The following DIAPH2 variants were observed in gnomAD, a reference collection of about 807,000 sequenced individuals.
The protein encoded by DIAPH2 is protein diaphanous homolog 2.
A neutral mutation model predicts 92.7 loss-of-function variants in DIAPH2; 35 were observed. That is an observed-to-expected ratio of 0.38 (90% CI 0.29 to 0.50). The LOEUF (loss-of-function observed/expected upper bound fraction) is 0.50. Ranked by LOEUF, DIAPH2 falls within the 20% of genes least tolerant of loss-of-function variation. The pLI, the probability that DIAPH2 is intolerant of heterozygous loss-of-function variation, is 0.94. For synonymous variants in DIAPH2, 301 were observed against 280.4 expected (o/e 1.07, Z -0.73); for missense variants, 701 against 819.5 (o/e 0.86, Z 1.77).
At chrX:96,689,250 C>T (rs930129580) in intron 1 of DIAPH2, among the ~76,000 whole-genome samples, 2 of 100,425 alleles carry the variant, frequency 2.0e-5, no homozygotes, top group African/African-American at 3.7e-5. Context: ...AGACGGGGTC[C>T]GGATCATGAT....
intron 25 of DIAPH2, among the ~76,000 whole-genome samples, chrX:97,428,535 CAAA>C (rs560564728): frequency 4.1e-5 from 3 of 74,033 alleles, no homozygotes; most frequent in African/African-American, 5.0e-5. Flanking sequence ...AACTCTGTCT[CAAA>C]AAAAAAAAAA....
intron 22 of DIAPH2, among the ~76,000 whole-genome samples, chrX:97,163,284 C>T (rs1363305960): frequency 9.0e-6 from 1 of 111,306 alleles, no homozygotes; most frequent in African/African-American, 3.3e-5. Flanking sequence ...AGATCCTCTA[C>T]CCTTCAGCAA....
intron 21 of DIAPH2, among the ~76,000 whole-genome samples, chrX:97,117,075 G>A (rs1304767383): frequency 2.7e-5 from 3 of 111,530 alleles, no homozygotes; most frequent in Non-Finnish European, 5.7e-5. Flanking sequence ...TTCCAAAAGT[G>A]AAAGAAGTGA....
chrX:97,027,661 T>G lies in DIAPH2; in HGVS notation c.2051-45280T>G, dbSNP rs191211773. Among the ~76,000 whole-genome samples, 5 of 112,233 alleles carry G rather than the reference T, an allele frequency of 4.5e-5. No homozygotes were observed. The East Asian group carries it at 1.4e-3, about 32-fold the overall frequency. The stretch of plus-strand genomic sequence containing the variant: ...TTTGTATGTTCCTTTTGTGTAAAGT[T>G]TTTGTCTGGAAAGTCGCTGTGCAAA... On this transcript the variant is annotated intron_variant, in intron 17 of 26. Transcript: ENST00000324765.
chrX:96,799,158 C>T (rs1252207740), intron 4 of DIAPH2, among the ~76,000 whole-genome samples: 2 of 108,980 alleles, frequency 1.8e-5, no homozygotes, highest in Admixed American at 2.0e-4. Context: ...TTTTTCAGTT[C>T]TGTAAGCCTG....
At chrX:97,346,370 C>G (rs996495001) in intron 23 of DIAPH2, among the ~76,000 whole-genome samples, 10 of 110,275 alleles carry the variant, frequency 9.1e-5, no homozygotes. Flanking sequence ...CCCTCTCCCT[C>G]TGTGTCCCTC....
chrX:97,153,748 T>A (rs913967763), intron 22 of DIAPH2, among the ~76,000 whole-genome samples: 28 of 111,653 alleles, frequency 2.5e-4, no homozygotes, highest in South Asian at 1.1e-3. Context: ...AAAAACATAA[T>A]CATGAAGGCT....
chrX:96,820,335 C>T (rs1253730021), intron 4 of DIAPH2, among the ~76,000 whole-genome samples: 3 of 111,174 alleles, frequency 2.7e-5, no homozygotes, highest in East Asian at 2.8e-4. Flanking sequence ...TTGGGCATGG[C>T]GGTGCACGCC....
At chrX:97,488,994 C>T (rs1356839820) in intron 26 of DIAPH2, among the ~76,000 whole-genome samples, 1 of 111,716 alleles carries the variant, frequency 9.0e-6, no homozygotes, top group Non-Finnish European at 1.9e-5. Flanking sequence ...GCCATTGGGA[C>T]ATTTAAAGGG....
At chrX:97,416,365 A>C (rs189358131) in intron 25 of DIAPH2, among the ~76,000 whole-genome samples, 1 of 112,157 alleles carries the variant, frequency 8.9e-6, no homozygotes, top group African/African-American at 3.2e-5. Context: ...CAAGAGGTTG[A>C]TTCTTGACCC....
At position 97,600,014 on chromosome X, in the gene DIAPH2, CAGTT is replaced by C. The variant is rs929178218; in HGVS notation, c.*700_*703del. On this transcript the variant is annotated 3_prime_UTR_variant, in exon 27 of 27. Coordinates refer to ENST00000324765, the MANE Select transcript of DIAPH2 (RefSeq NM_006729.5). ...TAAATAAACCAAAGTTTAACCGAAT[CAGTT>C]AGGGAAAGTGATTTAAACTTTATTT... The C allele has an allele frequency of 8.9e-6, 1 of 112,468 alleles. No individual in the cohort carries two copies. Among genetic ancestry groups the C allele is most frequent in the African/African-American group, 3.2e-5 (1 of 30,972 alleles). 9.3% of individuals were successfully genotyped at this position (112,468 alleles called of 1,213,427 possible).
rs2070723294 is a variant in DIAPH2 at position 97,491,225 on chromosome X, C to T, written c.3241+61480C>T. On this transcript the variant is annotated intron_variant, in intron 26 of 26. Coordinates refer to ENST00000324765, the MANE Select transcript of DIAPH2 (RefSeq NM_006729.5). ...TTTTGTGTCACATAAAGTATAGCCA[C>T]TCCTGCTCTCTTTTGGTTACCATTT... Among the ~76,000 whole-genome samples, 3 of 111,277 alleles carry T rather than the reference C, an allele frequency of 2.7e-5. No individual in the cohort carries two copies. In the Admixed American group the frequency reaches 2.9e-4, roughly 11 times the overall value.
In DIAPH2 at chrX:96,875,159, T is replaced by C. The variant is rs191093011; in HGVS notation, c.448-6420T>C. Reference sequence around the variant, plus strand: ...TAAATAACATGTTTCAACTTGAGTCTTGTCCCCAAAATATCTCATTATGTA... The same window carrying C: ...TAAATAACATGTTTCAACTTGAGTCCTGTCCCCAAAATATCTCATTATGTA... On this transcript the variant is annotated intron_variant, in intron 4 of 26. Transcript: ENST00000324765. Among the ~76,000 whole-genome samples, 189 of 112,480 alleles carry C rather than the reference T, an allele frequency of 1.7e-3. 2 individuals carry two copies. The highest frequency in any genetic ancestry group is 5.9e-3 in the African/African-American group (182 of 31,093).
chrX:97,125,708 T>C (rs2072147548), intron 21 of DIAPH2, among the ~76,000 whole-genome samples: 1 of 110,881 alleles, frequency 9.0e-6, no homozygotes, highest in Non-Finnish European at 1.9e-5. Flanking sequence ...GTATTTTCTT[T>C]CATTTTAAAA....
intron 17 of DIAPH2, among the ~76,000 whole-genome samples, chrX:97,044,766 T>A (rs1169121079): frequency 9.0e-6 from 1 of 111,104 alleles, no homozygotes; most frequent in Non-Finnish European, 1.9e-5. Flanking sequence ...CTCCAACTAT[T>A]CCCTATCTCT....
chrX:97,522,688 A>G (rs2070999042), intron 26 of DIAPH2, among the ~76,000 whole-genome samples: 1 of 110,661 alleles, frequency 9.0e-6, no homozygotes, highest in Non-Finnish European at 1.9e-5. Flanking sequence ...TGGAACCCTC[A>G]TTTTTTTTTG....
chrX:97,018,325 G>T (rs2147869306), intron 17 of DIAPH2, among the ~76,000 whole-genome samples: 1 of 111,729 alleles, frequency 9.0e-6, no homozygotes, highest in East Asian at 2.8e-4. Context: ...AACATTTTGG[G>T]GTGATTTTTA....
At position 97,348,279 on chromosome X, in the gene DIAPH2, T is replaced by C. The variant is rs779138415; in HGVS notation, c.3008T>C (p.Leu1003Ser). Residue 1003 changes from leucine to serine, a missense_variant and splice_region_variant, in exon 24 of 27, where the codon TTG (leucine) becomes TCG (serine). Coordinates refer to ENST00000324765, the MANE Select transcript of DIAPH2 (RefSeq NM_006729.5). Reference sequence around the variant, plus strand: ...CTCAACAACTTCCGAACTTTGTTTTTGGTAAGTAATACATCTTAAAGCATT... The same window carrying C: ...CTCAACAACTTCCGAACTTTGTTTTCGGTAAGTAATACATCTTAAAGCATT... ...GDLNNFRTLF[L>S]EAVRENNKRR... 1.7e-6 allele frequency: 2 copies of C among 1,196,291 alleles called. No individual in the cohort carries two copies. The highest frequency in any genetic ancestry group is 6.0e-5 in the East Asian group (2 of 33,603).
At chrX:96,786,043 A>G (rs901312024) in intron 4 of DIAPH2, among the ~76,000 whole-genome samples, 3 of 111,634 alleles carry the variant, frequency 2.7e-5, no homozygotes, top group Admixed American at 9.5e-5. Context: ...GTAGATGAGT[A>G]GGGTCAAGTA....
Sources: allele counts gnomAD v4.1 joint callset (sites outside exome capture counted in the v4.1 genomes callset), GRCh38; gene constraint gnomAD v4.1.1; transcripts MANE v1.5; gene names NCBI Gene and HGNC (gene_info 2026-07-23, HGNC 2026-07-21).